The following TMEM232 variants were observed in gnomAD, a reference collection of about 807,000 sequenced individuals.
TMEM232 encodes transmembrane protein 232.
Under a neutral mutation model 78.8 loss-of-function variants are expected in TMEM232, and 80 were observed. The ratio of observed to expected loss-of-function variants is 1.01; its 90% CI spans 0.85 to 1.22. TMEM232 has a LOEUF of 1.22. TMEM232 is among the 50% of genes most tolerant of loss of function. The pLI, the probability that TMEM232 is intolerant of heterozygous loss-of-function variation, is 0.00. For synonymous variants in TMEM232, 297 were observed against 254.3 expected, an observed-to-expected ratio of 1.17 and a Z score of -1.60; for missense variants, 881 against 742.2, an observed-to-expected ratio of 1.19 and a Z score of -2.17.
chr5:110,471,170 C>A (rs1762631697), intron 12 of TMEM232, among the ~76,000 whole-genome samples: 1 of 151,990 alleles, frequency 6.6e-6, no homozygotes, highest in Admixed American at 6.6e-5. Context: ...AATCTCTGAA[C>A]TTGAAGACTG....
chr5:110,651,310 T>A (rs529494289), intron 2 of TMEM232, among the ~76,000 whole-genome samples: 20 of 152,120 alleles, frequency 1.3e-4, no homozygotes, highest in Non-Finnish European at 2.8e-4. Context: ...AGGTGAGACT[T>A]TGCACAAGGC....
chr5:110,439,429 C>T (rs1054378849), intron 12 of TMEM232, among the ~76,000 whole-genome samples: 2 of 152,008 alleles, frequency 1.3e-5, no homozygotes, highest in African/African-American at 4.8e-5. Flanking sequence ...GTTCTGATGT[C>T]ACCCCTCCAA....
At chr5:110,675,998 C>T (rs59848399) in intron 1 of TMEM232, among the ~76,000 whole-genome samples, 5,860 of 152,212 alleles carry the variant, frequency 0.038, 367 homozygotes, top group African/African-American at 0.13. Flanking sequence ...TTAGATTCTA[C>T]GTATAAGTGA....
At chr5:110,562,192 T>G (rs1775829908) in intron 11 of TMEM232, among the ~76,000 whole-genome samples, 1 of 152,130 alleles carries the variant, frequency 6.6e-6, no homozygotes, top group Non-Finnish European at 1.5e-5. Flanking sequence ...CCCCTACAAC[T>G]AATTCCTCCA....
intron 8 of TMEM232, among the ~76,000 whole-genome samples, chr5:110,607,848 T>G (rs1580344283): frequency 6.6e-6 from 1 of 151,936 alleles, no homozygotes; most frequent in African/African-American, 2.4e-5. Context: ...ATATATTCCA[T>G]GATACCATAA....
intron 8 of TMEM232, chr5:110,610,550 C>A (rs983943276): frequency 2.2e-6 from 1 of 456,066 alleles, no homozygotes; most frequent in African/African-American, 2.0e-5. Context: ...CAGAGCTTCT[C>A]AAAGTGAAGT....
At chr5:110,490,298 G>A (rs1764943867) in intron 12 of TMEM232, among the ~76,000 whole-genome samples, 1 of 152,086 alleles carries the variant, frequency 6.6e-6, no homozygotes. Flanking sequence ...ATACTTGGAA[G>A]TAAGGTTAAC....
intron 2 of TMEM232, among the ~76,000 whole-genome samples, chr5:110,654,674 A>T (rs1185529148): frequency 2.0e-5 from 3 of 152,090 alleles, no homozygotes; most frequent in Non-Finnish European, 2.9e-5. Flanking sequence ...GTTTTTTCCA[A>T]TTCTGTGAAG....
chr5:110,494,522 A>C (rs1765441435), intron 12 of TMEM232, among the ~76,000 whole-genome samples: 1 of 152,120 alleles, frequency 6.6e-6, no homozygotes, highest in African/African-American at 2.4e-5. Context: ...ACAACCATTC[A>C]GAGTGCAGGG....
At chr5:110,583,421 T>G (rs938568239) in intron 10 of TMEM232, among the ~76,000 whole-genome samples, 1 of 151,944 alleles carries the variant, frequency 6.6e-6, no homozygotes, top group Non-Finnish European at 1.5e-5. Context: ...CAAATGGTGT[T>G]GGGGAAACTG....
At chr5:110,716,911 G>C (rs1797070665) in intron 1 of TMEM232, among the ~76,000 whole-genome samples, 1 of 152,130 alleles carries the variant, frequency 6.6e-6, no homozygotes, top group Non-Finnish European at 1.5e-5. Flanking sequence ...AATGGTACAG[G>C]ATAAACTGGA....
intron 12 of TMEM232, among the ~76,000 whole-genome samples, chr5:110,455,929 G>A (rs1760849341): frequency 6.6e-6 from 1 of 152,132 alleles, no homozygotes; most frequent in African/African-American, 2.4e-5. Context: ...CTTTGAAAAT[G>A]AAGAATAGAA....
At chr5:110,610,058 C>A (rs1781995419) in intron 8 of TMEM232, among the ~76,000 whole-genome samples, 1 of 151,680 alleles carries the variant, frequency 6.6e-6, no homozygotes, top group African/African-American at 2.4e-5. Flanking sequence ...TAGGAGATTG[C>A]AAAGAAATTA....
intron 1 of TMEM232, among the ~76,000 whole-genome samples, chr5:110,719,108 A>T (rs941772018): frequency 6.6e-5 from 10 of 151,994 alleles, no homozygotes; most frequent in Non-Finnish European, 1.2e-4. Flanking sequence ...TTATGGGACC[A>T]CTGTCATATA....
intron 3 of TMEM232, among the ~76,000 whole-genome samples, chr5:110,395,313 C>A (rs771548983): frequency 1.8e-4 from 27 of 152,262 alleles, no homozygotes; most frequent in Non-Finnish European, 3.8e-4. Flanking sequence ...AGGATTTTTA[C>A]TGATCTTCTG....
intron 12 of TMEM232, among the ~76,000 whole-genome samples, chr5:110,511,718 C>T (rs984386110): frequency 6.6e-5 from 10 of 152,110 alleles, no homozygotes; most frequent in African/African-American, 2.4e-4. Flanking sequence ...TTACCAAAGT[C>T]ACTTAGCTAT....
At chr5:110,430,469 G>C (rs1470227175) in intron 12 of TMEM232, among the ~76,000 whole-genome samples, 1 of 151,048 alleles carries the variant, frequency 6.6e-6, no homozygotes, top group Non-Finnish European at 1.5e-5. Context: ...CTCTCTTCAA[G>C]GTAAAGTTAA....
chr5:110,641,805 T>C (rs903344190), intron 3 of TMEM232, among the ~76,000 whole-genome samples: 1 of 152,164 alleles, frequency 6.6e-6, no homozygotes, highest in Non-Finnish European at 1.5e-5. Flanking sequence ...CCTGTTCTGT[T>C]TTGATATCTA....
chr5:110,422,384 G>C (rs1312981685), intron 13 of TMEM232, among the ~76,000 whole-genome samples: 1 of 151,616 alleles, frequency 6.6e-6, no homozygotes, highest in Non-Finnish European at 1.5e-5. Flanking sequence ...GCCGGGCGTG[G>C]TGGCGGGTGC....
Sources: allele counts gnomAD v4.1 joint callset (sites outside exome capture counted in the v4.1 genomes callset), GRCh38; gene constraint gnomAD v4.1.1; transcripts MANE v1.5; gene names NCBI Gene and HGNC (gene_info 2026-07-23, HGNC 2026-07-21).